Variants in ULK1 observed in about 807,000 individuals in gnomAD.
The protein encoded by ULK1 is serine/threonine-protein kinase ULK1.
ULK1 carries 48 observed loss-of-function variants against 117.5 expected under a neutral mutation model. The observed-to-expected ratio is 0.41, with a 90% CI of 0.32 to 0.52. The LOEUF is 0.52. Ranked by LOEUF, ULK1 falls within the 20% of genes least tolerant of loss-of-function variation. The pLI, the probability that ULK1 is intolerant of heterozygous loss-of-function variation, is 0.29. For synonymous variants in ULK1, 790 were observed against 637.8 expected (o/e 1.24, Z -3.60); for missense variants, 1,387 against 1,473.4 (o/e 0.94, Z 0.96).
rs767720853 is a variant in ULK1 at position 131,913,184 on chromosome 12, G to T, written c.1097-14G>T. ...CGGCAAGGACTCCAGGCCCAGCCTT[G>T]TCTCCCCCTGCAGGTGACCTGGTGG... On this transcript the variant is annotated splice_polypyrimidine_tract_variant and intron_variant, in intron 13 of 27. Transcript: ENST00000321867. 4 of 1,566,322 alleles carry T rather than the reference G, an allele frequency of 2.6e-6. No individual in the cohort carries two copies. Among genetic ancestry groups the T allele is most frequent in the Non-Finnish European group, 3.4e-6 (4 of 1,161,978 alleles).
At chr12:131,895,490 T>C in intron 1 of ULK1, 111 bp from the exon 2 acceptor site, 1 of 906,754 alleles carries the variant, frequency 1.1e-6, no homozygotes, top group Non-Finnish European at 1.7e-6. Flanking sequence ...GGCCTTCCAG[T>C]CCCGGGATTC....
chr12:131,915,558 C>T (rs1265683144), intron 18 of ULK1, 137 bp downstream of exon 18: 3 of 1,107,776 alleles, frequency 2.7e-6, no homozygotes, highest in Non-Finnish European at 2.5e-6. Context: ...CCAACTGCCT[C>T]TCCACCTCCT....
chr12:131,895,205 C>T, intron 1 of ULK1, 93 bp downstream of exon 1: 1 of 996,750 alleles, frequency 1.0e-6, no homozygotes, highest in Non-Finnish European at 1.4e-6. Flanking sequence ...GGGACCCCCC[C>T]ACGCCTCCCG....
intron 25 of ULK1, 163 bp downstream of exon 25, chr12:131,919,753 G>A (rs1890065846): frequency 1.9e-6 from 2 of 1,037,890 alleles, no homozygotes; most frequent in Non-Finnish European, 2.8e-6. Context: ...GAGGCCATTG[G>A]GTCGGACAGC....
rs1035049384 is a variant in ULK1 at position 131,909,162 on chromosome 12, C to G, written c.591C>G (p.His197Gln). Residue 197 changes from histidine (H) to glutamine (Q), a missense_variant, in exon 8 of 28, where the codon CAC (histidine) becomes CAG (glutamine). Coordinates refer to ENST00000321867, the MANE Select transcript of ULK1 (RefSeq NM_003565.4). ...CCCCCGAGGTCATCATGTCCCAGCACTACGACGGGAAGGCGGACCTGTGGA... is the reference window on the plus strand; with the variant it reads ...CCCCCGAGGTCATCATGTCCCAGCAGTACGACGGGAAGGCGGACCTGTGGA... Reference protein sequence around the residue: ...YMAPEVIMSQHYDGKADLWSI... With the variant: ...YMAPEVIMSQQYDGKADLWSI... The G allele has an allele frequency of 1.9e-6, 3 of 1,609,928 alleles. No individual in the cohort carries two copies. In the South Asian group the frequency reaches 3.3e-5, roughly 18 times the overall value.
chr12:131,919,411 G>A, intron 24 of ULK1, 27 bp downstream of exon 24: 1 of 1,532,292 alleles, frequency 6.5e-7, no homozygotes, highest in Non-Finnish European at 8.9e-7. Context: ...CTGGGGTGGG[G>A]CGGGTGGTGG....
chr12:131,920,152 A>G lies in ULK1; in HGVS notation c.2961+16A>G. The G allele has an allele frequency of 6.2e-7, 1 of 1,606,274 alleles. No individual in the cohort carries two copies. The highest frequency in any genetic ancestry group is 8.5e-7 in the Non-Finnish European group (1 of 1,174,530). On this transcript the variant is annotated intron_variant, in intron 26 of 27. Transcript: ENST00000321867. Reference sequence around the variant, plus strand: ...TGTGCAGATGGTACGGGACAGACAGACACCAGTGGGGCAGGGGCCAGGAAC... The same window carrying G: ...TGTGCAGATGGTACGGGACAGACAGGCACCAGTGGGGCAGGGGCCAGGAAC...
chr12:131,907,628 G>A (rs1391199820), intron 5 of ULK1, 97 bp downstream of exon 5: 5 of 1,449,170 alleles, frequency 3.5e-6, no homozygotes, highest in Non-Finnish European at 3.7e-6. Flanking sequence ...CCTGGCTCGA[G>A]TGGGTCCTTG....
chr12:131,910,197 G>T, intron 10 of ULK1, 57 bp from the exon 11 acceptor site: 1 of 1,606,980 alleles, frequency 6.2e-7, no homozygotes, highest in Non-Finnish European at 8.5e-7. Flanking sequence ...GGGGAGGCAG[G>T]GGCCTGGGGT....
chr12:131,897,452 C>T (rs915825354), intron 3 of ULK1: 3 of 152,248 alleles, frequency 2.0e-5, no homozygotes, highest in African/African-American at 7.2e-5. Context: ...GGACAGCCAT[C>T]CTTACAAGGC....
At position 131,920,342 on chromosome 12, in the gene ULK1, C is replaced by T. The variant is rs573913222; in HGVS notation, c.2961+206C>T. 5.3e-5 allele frequency: 33 copies of T among 623,810 alleles called. 1 individual carries two copies. Among genetic ancestry groups the T allele is most frequent in the Non-Finnish European group, 7.8e-5 (29 of 371,736 alleles). 38.6% of individuals were successfully genotyped at this position (623,810 alleles called of 1,614,324 possible). A position where few individuals can be genotyped will look rare whatever the true frequency, so the allele number is the denominator to read the frequency against. On this transcript the variant is annotated intron_variant, in intron 26 of 27. Transcript: ENST00000321867. Reference sequence around the variant, plus strand: ...GGTGCATCCTTGATTGTACGGGTGCCGTGGCCCATGTGCATCCTGCCTCGC... The same window carrying T: ...GGTGCATCCTTGATTGTACGGGTGCTGTGGCCCATGTGCATCCTGCCTCGC...
Position 131,895,669 on chromosome 12 carries a change from G to A in ULK1, c.180G>A (p.Leu60=), listed in dbSNP as rs757111918. 2.6e-5 allele frequency: 42 copies of A among 1,614,032 alleles called. No homozygotes were observed. The highest frequency in any genetic ancestry group is 3.2e-5 in the Non-Finnish European group (38 of 1,180,022). ...KKNLAKSQTL[L]GKEIKILKEL... is the part of the protein sequence containing the mutation. ...ACCTCGCCAAGTCTCAGACGCTGCTGGGGAAGGAAATCAAAATCCTGAAGG... is the reference window on the plus strand; with the variant it reads ...ACCTCGCCAAGTCTCAGACGCTGCTAGGGAAGGAAATCAAAATCCTGAAGG... Residue 60 remains leucine (L), a synonymous_variant, in exon 2 of 28, where the codon CTG becomes CTA. Coordinates refer to ENST00000321867, the MANE Select transcript of ULK1 (RefSeq NM_003565.4).
intron 5 of ULK1, among the ~76,000 whole-genome samples, chr12:131,908,348 C>T (rs1162692560): frequency 2.0e-5 from 3 of 152,122 alleles, no homozygotes; most frequent in African/African-American, 4.8e-5. Context: ...GAGCGGGACC[C>T]GGGCGGAACC....
At chr12:131,911,291 G>A (rs1316045205) in intron 12 of ULK1, among the ~76,000 whole-genome samples, 3 of 152,194 alleles carry the variant, frequency 2.0e-5, no homozygotes, top group Non-Finnish European at 2.9e-5. Context: ...TGTGGCTGGT[G>A]GTGATGAGTT....
intron 10 of ULK1, 94 bp downstream of exon 10, chr12:131,910,095 C>T: frequency 6.4e-7 from 1 of 1,564,264 alleles, no homozygotes; most frequent in Non-Finnish European, 8.8e-7. Flanking sequence ...CACCCAGCCC[C>T]ATGTGCACAC....
intron 13 of ULK1, among the ~76,000 whole-genome samples, chr12:131,912,708 C>G (rs1852132089): frequency 6.6e-6 from 1 of 152,240 alleles, no homozygotes; most frequent in African/African-American, 2.4e-5. Flanking sequence ...GGTGGTGAGG[C>G]CCGAGCCAAG....
At position 131,909,159 on chromosome 12, in the gene ULK1, G is replaced by A. The variant is rs1889408643; in HGVS notation, c.588G>A (p.Gln196=). Reference sequence around the variant, plus strand: ...AGGCCCCCGAGGTCATCATGTCCCAGCACTACGACGGGAAGGCGGACCTGT... The same window carrying A: ...AGGCCCCCGAGGTCATCATGTCCCAACACTACGACGGGAAGGCGGACCTGT... ...MYMAPEVIMS[Q]HYDGKADLWS... is the part of the protein sequence containing the mutation. The change falls in exon 8 of 28, where the codon CAG becomes CAA. Residue 196 remains glutamine, a synonymous_variant. Coordinates refer to ENST00000321867, the MANE Select transcript of ULK1 (RefSeq NM_003565.4). 6.2e-7 allele frequency: 1 copy of A among 1,609,520 alleles called. No homozygotes were observed. Among genetic ancestry groups the A allele is most frequent in the East Asian group, 2.2e-5 (1 of 44,646 alleles).
Position 131,916,600 on chromosome 12 carries a change from A to AGG in ULK1, c.2072+12_2072+13dup. On this transcript the variant is annotated intron_variant, in intron 20 of 27. Transcript: ENST00000321867. ...AAGGGCCCCTTTGGCCGGTGAGTTG[A>AGG]GGGGACAGGCCTTGGACGGGCTTCT... The AGG allele has an allele frequency of 6.4e-7, 1 of 1,567,256 alleles. No individual in the cohort carries two copies. Among genetic ancestry groups the AGG allele is most frequent in the Non-Finnish European group, 8.6e-7 (1 of 1,163,394 alleles).
At chr12:131,908,550 C>G (rs1889376821) in intron 5 of ULK1, 94 bp from the exon 6 acceptor site, 1 of 1,380,732 alleles carries the variant, frequency 7.2e-7, no homozygotes, top group Non-Finnish European at 9.4e-7. Context: ...GCCTGGCGCT[C>G]TCCATCCGTG....
Sources: gnomAD v4.1 joint callset for allele counts (sites outside exome capture counted in the v4.1 genomes callset) on GRCh38, gnomAD v4.1.1 for gene constraint, MANE v1.5 for transcripts, NCBI Gene and HGNC (gene_info 2026-07-23, HGNC 2026-07-21) for gene names.